LRP5: variants seen among roughly 807,000 people sequenced by gnomAD.
The protein encoded by LRP5 is LDL receptor related protein 5.
LRP5 carries 62 observed loss-of-function variants against 154.1 expected under a neutral mutation model. The ratio of observed to expected loss-of-function variants is 0.40; its 90% confidence interval spans 0.33 to 0.50. LRP5 has a LOEUF of 0.50. LRP5 is among the 20% of genes least tolerant of loss of function. The pLI, the probability that LRP5 is intolerant of heterozygous loss-of-function variation, is 0.55. For missense variants in LRP5, 1,915 were observed against 2,336.7 expected (o/e 0.82, Z 3.72); for synonymous variants, 966 against 1,011.5 (o/e 0.96, Z 0.85).
At chr11:68,309,141 G>A (rs992987333), upstream of LRP5, among the ~76,000 whole-genome samples, 2 of 151,918 alleles carry the variant, frequency 1.3e-5, no homozygotes, top group Non-Finnish European at 2.9e-5. Context: ...CACCATGTTA[G>A]CCAGGATGGT....
chr11:68,410,135 C>CA lies in LRP5; in HGVS notation c.2315dup (p.Tyr774LeufsTer39). Reference sequence around the variant, plus strand: ...CGAGGTCGCTGGCCCTGGATCCCACCAAGGGGTAAGTGTTTGCCTGTCCCG... The same window carrying CA: ...CGAGGTCGCTGGCCCTGGATCCCACCAAAGGGGTAAGTGTTTGCCTGTCCCG... On this transcript the variant is annotated frameshift_variant, in exon 10 of 23. Transcript: ENST00000294304. LOFTEE classifies it high-confidence loss of function. 1 of 1,613,422 alleles carries CA rather than the reference C, an allele frequency of 6.2e-7. No individual in the cohort carries two copies.
At chr11:68,349,276 A>G (rs896303765) in intron 2 of LRP5, among the ~76,000 whole-genome samples, 4 of 151,850 alleles carry the variant, frequency 2.6e-5, no homozygotes, top group African/African-American at 9.7e-5. Context: ...CAGGTGATCC[A>G]CCCACCTCGG....
intron 1 of LRP5, among the ~76,000 whole-genome samples, chr11:68,320,157 C>G (rs147261516): frequency 6.6e-6 from 1 of 152,050 alleles, no homozygotes; most frequent in East Asian, 1.9e-4. Context: ...AGAGCGAGAC[C>G]CTGTCTCAAA....
chr11:68,446,886 A>T, intron 22 of LRP5: 2 of 357,228 alleles, frequency 5.6e-6, no homozygotes, highest in Non-Finnish European at 1.1e-5. Context: ...GTGGAAACCT[A>T]GCCATTGAGA....
At chr11:68,427,872 T>C (rs1442495805) in intron 16 of LRP5, among the ~76,000 whole-genome samples, 2 of 152,300 alleles carry the variant, frequency 1.3e-5, no homozygotes, top group Admixed American at 1.3e-4. Flanking sequence ...CTTCTTCTCA[T>C]TGTCCGGGTG....
chr11:68,318,860 A>G (rs1591168266), intron 1 of LRP5, among the ~76,000 whole-genome samples: 1 of 152,156 alleles, frequency 6.6e-6, no homozygotes, highest in South Asian at 2.1e-4. Context: ...CCTGTGGGGC[A>G]TTGAGAGGCA....
chr11:68,304,155 G>GAATGGTTTCATTGTCCAGGCA, the LRP5 span, among the ~76,000 whole-genome samples: 2 of 152,238 alleles, frequency 1.3e-5, no homozygotes, highest in Non-Finnish European at 2.9e-5. Flanking sequence ...GAGGAGGAAA[G>GAATGGTTTCATTGTCCAGGCA]AATGGTTTCA....
chr11:68,410,046 A>G lies in LRP5; in HGVS notation c.2224A>G (p.Ile742Val). Reference protein sequence around the residue: ...LYWADTGTNRIEVARLDGQFR... With the variant: ...LYWADTGTNRVEVARLDGQFR... ...CTGGGCCGACACTGGGACCAACAGA[A>G]TCGAAGTGGCGCGGCTGGACGGGCA... The change falls in exon 10 of 23, where the codon ATC becomes GTC. Residue 742 changes from isoleucine to valine, a missense_variant. Around this residue, in one of 3 missense-constraint regions of LRP5, gnomAD observed 773 missense variants for 1,100.9 expected, o/e 0.70. Coordinates refer to ENST00000294304, the MANE Select transcript of LRP5 (RefSeq NM_002335.4). The G allele has an allele frequency of 6.2e-7, 1 of 1,614,032 alleles. No individual in the cohort carries two copies. The highest frequency in any genetic ancestry group is 8.5e-7 in the Non-Finnish European group (1 of 1,179,970).
At chr11:68,398,647 G>GAA (rs770706960) in intron 7 of LRP5, among the ~76,000 whole-genome samples, 2 of 125,262 alleles carry the variant, frequency 1.6e-5, no homozygotes, top group East Asian at 4.4e-4. Context: ...TTAATTACTT[G>GAA]AAAAAAAAAA....
At chr11:68,398,745 TA>T (rs1309151026) in intron 7 of LRP5, among the ~76,000 whole-genome samples, 1 of 151,568 alleles carries the variant, frequency 6.6e-6, no homozygotes, top group East Asian at 1.9e-4. Flanking sequence ...TGTCCATAAA[TA>T]ATTTCTTGAG....
At chr11:68,414,033 C>A in intron 12 of LRP5, 21 bp downstream of exon 12, 1 of 1,596,242 alleles carries the variant, frequency 6.3e-7, no homozygotes, top group East Asian at 2.2e-5. Flanking sequence ...CATGGTCCCC[C>A]GCACCTCACT....
chr11:68,371,393 G>T (rs1417556349), intron 5 of LRP5, among the ~76,000 whole-genome samples: 5 of 152,242 alleles, frequency 3.3e-5, no homozygotes, highest in African/African-American at 1.2e-4. Flanking sequence ...GGACCTGTGA[G>T]CGGGGCCAGA....
rs764288902 is a variant in LRP5, at chr11:68,446,465, G to A, written c.4518G>A (p.Thr1506=). ...PILNPPPSPA[T]DPSLYNMDMF... ...TGAACCCGCCGCCCTCCCCGGCCAC[G>A]GACCCCTCCCTGTACAACATGGACA... The change falls in exon 22 of 23, where the codon ACG becomes ACA. Residue 1506 remains threonine (T), a synonymous_variant. Transcript: ENST00000294304. 19 of 1,613,900 alleles carry A rather than the reference G, an allele frequency of 1.2e-5. No individual in the cohort carries two copies. Among genetic ancestry groups the A allele is most frequent in the Admixed American group, 3.3e-5 (2 of 59,998 alleles).
At chr11:68,314,576 A>G (rs183994398) in intron 1 of LRP5, among the ~76,000 whole-genome samples, 45 of 152,312 alleles carry the variant, frequency 3.0e-4, no homozygotes, top group Admixed American at 1.6e-3. Context: ...TCCTGTTGCA[A>G]TTGGAAGCTG....
intron 13 of LRP5, among the ~76,000 whole-genome samples, chr11:68,421,313 C>G (rs1343712739): frequency 6.6e-6 from 1 of 152,004 alleles, no homozygotes; most frequent in Non-Finnish European, 1.5e-5. Flanking sequence ...GTAAAGTTTG[C>G]TGTGTTGTTT....
At chr11:68,415,977 C>T (rs1015783401) in intron 12 of LRP5, among the ~76,000 whole-genome samples, 35 of 151,174 alleles carry the variant, frequency 2.3e-4, no homozygotes, top group African/African-American at 8.2e-4. Flanking sequence ...ATGGCGTGAA[C>T]CCGAGAGGCA....
At chr11:68,333,857 A>C (rs1353638738) in intron 1 of LRP5, among the ~76,000 whole-genome samples, 1 of 152,132 alleles carries the variant, frequency 6.6e-6, no homozygotes, top group Non-Finnish European at 1.5e-5. Context: ...CCCCAGATTG[A>C]TCAGTGGATT....
chr11:68,299,505 A>C, the LRP5 span, among the ~76,000 whole-genome samples: 203 of 114,794 alleles, frequency 1.8e-3, 1 homozygote, highest in South Asian at 0.019. Flanking sequence ...CAGTGTAGAC[A>C]GCAGGGTGGA....
chr11:68,321,520 G>A (rs989014489), intron 1 of LRP5, among the ~76,000 whole-genome samples: 1 of 152,112 alleles, frequency 6.6e-6, no homozygotes, highest in African/African-American at 2.4e-5. Context: ...TCAGGCTGTG[G>A]AAGTGAATTC....
Sources: allele counts gnomAD v4.1 joint callset (sites outside exome capture counted in the v4.1 genomes callset), GRCh38; gene constraint gnomAD v4.1.1; regional missense constraint gnomAD v4.1.1; transcripts MANE v1.5; gene names NCBI Gene and HGNC (gene_info 2026-07-23, HGNC 2026-07-21).